Variants in CCSER1 observed in about 807,000 individuals in gnomAD.
CCSER1 encodes serine-rich coiled-coil domain-containing protein 1.
Under a neutral mutation model 82.0 loss-of-function variants are expected in CCSER1, and 41 were observed. That is an observed-to-expected ratio of 0.50 (90% CI 0.39 to 0.65). CCSER1 has a LOEUF of 0.65. Among genes scored for constraint, CCSER1 ranks in the 30% least tolerant of loss-of-function variants. The probability of loss-of-function intolerance (pLI) is 0.00; values close to 1 mark genes in which losing one functional copy is unlikely to be tolerated. For missense variants in CCSER1, 1,119 were observed against 1,064.2 expected (o/e 1.05, Z -0.72); for synonymous variants, 414 against 383.9 (o/e 1.08, Z -0.92).
chr4:91,179,149 TAG>T (rs1358469584), intron 10 of CCSER1, among the ~76,000 whole-genome samples: 1 of 152,216 alleles, frequency 6.6e-6, no homozygotes, highest in Admixed American at 6.5e-5. Context: ...TCTGGCTTTA[TAG>T]AGTTTCTGCC....
chr4:90,493,488 A>C (rs867979217), intron 5 of CCSER1, among the ~76,000 whole-genome samples: 67 of 152,322 alleles, frequency 4.4e-4, no homozygotes, highest in African/African-American at 1.5e-3. Flanking sequence ...GAAATGAAGG[A>C]AAAAATGTTA....
intron 6 of CCSER1, among the ~76,000 whole-genome samples, chr4:90,668,296 ACTGT>A (rs1175800027): frequency 5.3e-5 from 8 of 152,102 alleles, no homozygotes; most frequent in African/African-American, 1.7e-4. Context: ...TTATTGGAAA[ACTGT>A]CTGTATCTTT....
At chr4:91,180,733 A>C (rs1427674605) in intron 10 of CCSER1, among the ~76,000 whole-genome samples, 2 of 152,212 alleles carry the variant, frequency 1.3e-5, no homozygotes, top group Non-Finnish European at 2.9e-5. Flanking sequence ...CACTAGAGGA[A>C]TTAAAGACAC....
chr4:90,478,349 C>G (rs1338198846), intron 5 of CCSER1, among the ~76,000 whole-genome samples: 2 of 152,136 alleles, frequency 1.3e-5, no homozygotes, highest in Non-Finnish European at 1.5e-5. Context: ...TTCATTCTCT[C>G]TCACTAGATA....
intron 10 of CCSER1, among the ~76,000 whole-genome samples, chr4:91,598,279 C>A (rs191897656): frequency 2.6e-5 from 4 of 152,218 alleles, no homozygotes; most frequent in Admixed American, 6.5e-5. Flanking sequence ...ATATAAATCA[C>A]CTTTTACTTA....
chr4:90,284,720 T>C (rs1336655169), intron 1 of CCSER1, among the ~76,000 whole-genome samples: 5 of 152,012 alleles, frequency 3.3e-5, no homozygotes, highest in Admixed American at 2.6e-4. Flanking sequence ...CTTGAACTGC[T>C]GAGCTCAAGC....
chr4:90,981,468 C>T (rs771349587), intron 9 of CCSER1, among the ~76,000 whole-genome samples: 2 of 151,860 alleles, frequency 1.3e-5, no homozygotes, highest in Non-Finnish European at 1.5e-5. Context: ...AAGATAATTA[C>T]GTTTAATCCC....
chr4:90,310,251 T>A (rs530309142), intron 2 of CCSER1, among the ~76,000 whole-genome samples: 44 of 152,202 alleles, frequency 2.9e-4, no homozygotes, highest in Admixed American at 7.9e-4. Flanking sequence ...TCCCTTTAGT[T>A]TAAAAAAAGT....
At chr4:90,718,441 A>T (rs940318418) in intron 6 of CCSER1, among the ~76,000 whole-genome samples, 5 of 152,160 alleles carry the variant, frequency 3.3e-5, no homozygotes, top group Non-Finnish European at 7.4e-5. Context: ...ATGGAATTAT[A>T]GCATTCAGTA....
chr4:91,442,494 C>T (rs898044113), intron 10 of CCSER1, among the ~76,000 whole-genome samples: 3,132 of 132,322 alleles, frequency 0.024, 123 homozygotes, highest in African/African-American at 0.082. Context: ...AAGACTTAAA[C>T]GTTAGACCTA....
At chr4:91,105,343 T>C (rs547686757) in intron 10 of CCSER1, among the ~76,000 whole-genome samples, 34 of 152,216 alleles carry the variant, frequency 2.2e-4, no homozygotes, top group South Asian at 8.3e-4. Flanking sequence ...ACCCAAGAGC[T>C]TCTTGTTCTC....
chr4:90,556,922 A>G (rs1386178500), intron 5 of CCSER1, among the ~76,000 whole-genome samples: 1 of 151,836 alleles, frequency 6.6e-6, no homozygotes, highest in African/African-American at 2.4e-5. Flanking sequence ...TAATCAGAAG[A>G]GACTCCCTTC....
intron 8 of CCSER1, among the ~76,000 whole-genome samples, chr4:90,838,362 G>A (rs562901991): frequency 1.3e-5 from 2 of 151,504 alleles, no homozygotes; most frequent in African/African-American, 4.8e-5. Flanking sequence ...AATAAATTGT[G>A]TAAATATGTA....
At chr4:91,489,124 C>A (rs1758375071) in intron 10 of CCSER1, among the ~76,000 whole-genome samples, 1 of 152,132 alleles carries the variant, frequency 6.6e-6, no homozygotes, top group Non-Finnish European at 1.5e-5. Context: ...GAATAAATAG[C>A]AAGTGCTAAT....
At chr4:90,759,122 G>A (rs114032791) in intron 7 of CCSER1, among the ~76,000 whole-genome samples, 3,391 of 152,044 alleles carry the variant, frequency 0.022, 129 homozygotes, top group African/African-American at 0.075. Context: ...TCTCTTAGCC[G>A]TATTTCTAGA....
intron 10 of CCSER1, among the ~76,000 whole-genome samples, chr4:91,319,358 A>G (rs1426339161): frequency 6.6e-6 from 1 of 152,026 alleles, no homozygotes; most frequent in African/African-American, 2.4e-5. Context: ...ATTTGGTGAT[A>G]ACTTTATGAA....
intron 10 of CCSER1, among the ~76,000 whole-genome samples, chr4:91,090,052 G>T (rs1723789077): frequency 6.6e-6 from 1 of 152,188 alleles, no homozygotes; most frequent in African/African-American, 2.4e-5. Context: ...GTATGATTCA[G>T]TTGAGCATGA....
chr4:90,764,473 T>G (rs1750898800), intron 7 of CCSER1, among the ~76,000 whole-genome samples: 1 of 152,162 alleles, frequency 6.6e-6, no homozygotes, highest in South Asian at 2.1e-4. Flanking sequence ...TTTTCTTAGG[T>G]GTTTTATACC....
chr4:90,896,169 G>C (rs890365600), intron 8 of CCSER1, among the ~76,000 whole-genome samples: 2 of 151,944 alleles, frequency 1.3e-5, no homozygotes, highest in Non-Finnish European at 2.9e-5. Context: ...TATAACGGGA[G>C]ATTCTTTGAT....
Sources: allele counts gnomAD v4.1 joint callset (sites outside exome capture counted in the v4.1 genomes callset), GRCh38; gene constraint gnomAD v4.1.1; transcripts MANE v1.5; gene names NCBI Gene and HGNC (gene_info 2026-07-23, HGNC 2026-07-21).